The following KCNQ3 variants were observed in gnomAD, a reference collection of about 807,000 sequenced individuals.
The protein encoded by KCNQ3 is potassium voltage-gated channel subfamily Q member 3.
KCNQ3 carries 30 observed loss-of-function variants against 92.5 expected under a neutral mutation model. The observed-to-expected ratio is 0.32, with a 90% CI of 0.24 to 0.44. The LOEUF is 0.44. Among genes scored for constraint, KCNQ3 ranks in the 20% least tolerant of loss-of-function variants. KCNQ3 has a pLI of 1.00. For missense variants in KCNQ3, 913 were observed against 1,140.3 expected, an observed-to-expected ratio of 0.80 and a Z score of 2.87; for synonymous variants, 450 against 468.8, an observed-to-expected ratio of 0.96 and a Z score of 0.52.
In KCNQ3 at chr8:132,429,775, C is replaced by A. The variant is rs144104111; in HGVS notation, c.386+50372G>T. Among the ~76,000 whole-genome samples, 1,471 of 151,360 alleles carry A rather than the reference C, an allele frequency of 9.7e-3. 30 individuals carry two copies. The highest frequency in any genetic ancestry group is 0.034 in the African/African-American group (1,380 of 41,020). The stretch of plus-strand genomic sequence containing the variant: ...ATTCGGGAGGCTGAGGCAGGAGAAT[C>A]CCTTGAACCCAGGAGGCGGAGGTTG... On this transcript the variant is annotated intron_variant, in intron 1 of 14. Coordinates refer to ENST00000388996, the MANE Select transcript of KCNQ3 (RefSeq NM_004519.4).
intron 1 of KCNQ3, among the ~76,000 whole-genome samples, chr8:132,478,987 G>A (rs1326023533): frequency 1.3e-5 from 2 of 151,848 alleles, no homozygotes; most frequent in African/African-American, 4.8e-5. Flanking sequence ...GGGGGAGGGG[G>A]GGTTGCCAAG....
chr8:132,378,607 G>T (rs1234376173), intron 1 of KCNQ3, among the ~76,000 whole-genome samples: 2 of 152,104 alleles, frequency 1.3e-5, no homozygotes, highest in Non-Finnish European at 2.9e-5. Flanking sequence ...TTCTCTTACA[G>T]TTTGTTCACT....
chr8:132,196,149 C>T lies in KCNQ3; in HGVS notation c.387-9968G>A, dbSNP rs1563799851. ...GGCCTTTCAAAATTCCGTTCTTCTCCATCATATGCTTTCTCTCCCTCATCC... is the reference window on the plus strand; with the variant it reads ...GGCCTTTCAAAATTCCGTTCTTCTCTATCATATGCTTTCTCTCCCTCATCC... On this transcript the variant is annotated intron_variant, in intron 1 of 14. Transcript: ENST00000388996. 4.6e-5 allele frequency among the ~76,000 whole-genome samples: 7 copies of T among 152,278 alleles called. No individual in the cohort carries two copies. The South Asian group carries it at 1.5e-3, about 32-fold the overall frequency.
intron 1 of KCNQ3, among the ~76,000 whole-genome samples, chr8:132,459,117 T>C (rs1040679156): frequency 6.6e-6 from 1 of 152,178 alleles, no homozygotes; most frequent in Non-Finnish European, 1.5e-5. Context: ...TTGGTTGCAA[T>C]TCATATGATT....
At position 132,175,512 on chromosome 8, in the gene KCNQ3, G is replaced by T; in HGVS notation, c.874C>A (p.Gln292Lys). The T allele has an allele frequency of 6.2e-7, 1 of 1,614,126 alleles. No homozygotes were observed. The change falls in exon 5 of 15, where the codon CAA becomes AAA. Residue 292 changes from glutamine (Q) to lysine (K), a missense_variant. Physicochemically the swap from Gln to Lys is moderately conservative, Grantham distance 53. Around this residue, in one of 6 missense-constraint regions of KCNQ3, gnomAD observed 21 missense variants for 16.3 expected, o/e 1.29. Coordinates refer to ENST00000388996, the MANE Select transcript of KCNQ3 (RefSeq NM_004519.4). ...AACTCCTCTTTCATCTCCTCTCCTT[G>T]TGCATCCACCTCTGGGACGTCTTTC... is the stretch of plus-strand genomic sequence containing the variant. ...VEKDVPEVDAQGEEMKEEFET... is the reference protein window; with the variant it reads ...VEKDVPEVDAKGEEMKEEFET...
At chr8:132,184,992 T>TC (rs1253650944) in intron 2 of KCNQ3, among the ~76,000 whole-genome samples, 1 of 152,068 alleles carries the variant, frequency 6.6e-6, no homozygotes, top group Non-Finnish European at 1.5e-5. Flanking sequence ...GGACACAGGG[T>TC]CCCCCTTTCC....
At chr8:132,453,429 C>G (rs1056148933) in intron 1 of KCNQ3, among the ~76,000 whole-genome samples, 8 of 152,182 alleles carry the variant, frequency 5.3e-5, no homozygotes, top group African/African-American at 2.4e-5. Flanking sequence ...AGAGGTCGGG[C>G]TGCCTGGAAT....
intron 1 of KCNQ3, among the ~76,000 whole-genome samples, chr8:132,324,692 A>T (rs539228849): frequency 6.6e-6 from 1 of 152,334 alleles, no homozygotes; most frequent in South Asian, 2.1e-4. Flanking sequence ...ATCTGAAACC[A>T]TCGCATGGAG....
chr8:132,303,109 C>A (rs1817273876), intron 1 of KCNQ3, among the ~76,000 whole-genome samples: 1 of 152,166 alleles, frequency 6.6e-6, no homozygotes, highest in Non-Finnish European at 1.5e-5. Flanking sequence ...GCAGGCTGGC[C>A]CAAATTTTCT....
At chr8:132,214,400 C>A (rs956677764) in intron 1 of KCNQ3, among the ~76,000 whole-genome samples, 5 of 151,984 alleles carry the variant, frequency 3.3e-5, no homozygotes, top group Non-Finnish European at 7.4e-5. Context: ...TCTTTCCTTC[C>A]GTTAGGAGCA....
intron 1 of KCNQ3, among the ~76,000 whole-genome samples, chr8:132,209,188 A>G (rs1813770804): frequency 6.6e-6 from 1 of 152,106 alleles, no homozygotes; most frequent in Non-Finnish European, 1.5e-5. Context: ...TCTGAGGATA[A>G]TGGGTGGTCA....
At position 132,448,502 on chromosome 8, in the gene KCNQ3, G is replaced by GAAAAAAA; in HGVS notation, c.386+31638_386+31644dup. Among the ~76,000 whole-genome samples, 880 of 93,786 alleles carry GAAAAAAA rather than the reference G, an allele frequency of 9.4e-3. 8 individuals are homozygous for GAAAAAAA. Among genetic ancestry groups the GAAAAAAA allele is most frequent in the African/African-American group, 0.033 (778 of 23,544 alleles). The allele number at this position is 93,786 out of a possible 152,430, so 61.5% of individuals were successfully genotyped here. A position where few individuals can be genotyped will look rare whatever the true frequency, so the allele number is the denominator to read the frequency against. ...TCTAAGGGGGAAGAAGGAGAAATAT[G>GAAAAAAA]AAAAAAAAAAAAAAAAAAAAAGAGG... On this transcript the variant is annotated intron_variant, in intron 1 of 14. Transcript: ENST00000388996.
At chr8:132,421,623 C>G (rs924071713) in intron 1 of KCNQ3, among the ~76,000 whole-genome samples, 2 of 151,688 alleles carry the variant, frequency 1.3e-5, no homozygotes, top group Non-Finnish European at 2.9e-5. Flanking sequence ...TCTTTTTTTT[C>G]TTTTTTAACC....
rs199740007 is a variant in KCNQ3, at chr8:132,204,547, C to T, written c.387-18366G>A. Among the ~76,000 whole-genome samples the T allele has an allele frequency of 1.1e-3, 175 of 152,330 alleles. 2 individuals are homozygous for T. Among genetic ancestry groups the T allele is most frequent in the East Asian group, 5.6e-3 (29 of 5,180 alleles). On this transcript the variant is annotated intron_variant, in intron 1 of 14. Transcript: ENST00000388996. ...GCTGGGCATCAGGGCAATTGTTCTG[C>T]TCCCTGTCTCCTCTCTCTCCTCCTA...
intron 1 of KCNQ3, among the ~76,000 whole-genome samples, chr8:132,403,900 C>A (rs1820410815): frequency 6.6e-6 from 1 of 152,174 alleles, no homozygotes; most frequent in Non-Finnish European, 1.5e-5. Flanking sequence ...TGTAGCCTGT[C>A]TTGTTTTTAG....
chr8:132,229,860 A>G (rs1395257368), intron 1 of KCNQ3, among the ~76,000 whole-genome samples: 1 of 152,152 alleles, frequency 6.6e-6, no homozygotes, highest in Non-Finnish European at 1.5e-5. Context: ...TTAGGATTCT[A>G]ATGACATGCC....
chr8:132,332,197 C>G (rs1818251983), intron 1 of KCNQ3, among the ~76,000 whole-genome samples: 1 of 152,162 alleles, frequency 6.6e-6, no homozygotes, highest in Non-Finnish European at 1.5e-5. Context: ...TGGAGAGGTG[C>G]CTGTGGGGAG....
chr8:132,327,893 C>G (rs989419509), intron 1 of KCNQ3, among the ~76,000 whole-genome samples: 2 of 152,094 alleles, frequency 1.3e-5, no homozygotes, highest in Non-Finnish European at 2.9e-5. Context: ...AGGACCCCAC[C>G]TGTACTTGTA....
intron 1 of KCNQ3, among the ~76,000 whole-genome samples, chr8:132,448,737 C>T (rs1292139095): frequency 1.3e-5 from 2 of 152,216 alleles, no homozygotes; most frequent in Non-Finnish European, 2.9e-5. Context: ...AAATATCTCC[C>T]AAACTTCCAA....
Sources: allele counts gnomAD v4.1 joint callset (sites outside exome capture counted in the v4.1 genomes callset), GRCh38; gene constraint gnomAD v4.1.1; regional missense constraint gnomAD v4.1.1; transcripts MANE v1.5; gene names NCBI Gene and HGNC (gene_info 2026-07-23, HGNC 2026-07-21).